Variants in OPCML observed in about 807,000 individuals in gnomAD.
OPCML encodes the protein opioid-binding protein/cell adhesion molecule.
OPCML carries 13 observed loss-of-function variants against 37.8 expected under a neutral mutation model. That is an observed-to-expected ratio of 0.34 (90% confidence interval 0.22 to 0.55). The LOEUF is 0.55. Among genes scored for constraint, OPCML ranks in the 20% least tolerant of loss-of-function variants. OPCML has a pLI of 0.91. For synonymous variants in OPCML, 176 were observed against 168.8 expected, an observed-to-expected ratio of 1.04 and a Z score of -0.33; for missense variants, 341 against 435.6, an observed-to-expected ratio of 0.78 and a Z score of 1.93.
At chr11:132,514,885 A>T (rs989922319) in intron 4 of OPCML, among the ~76,000 whole-genome samples, 6 of 152,114 alleles carry the variant, frequency 3.9e-5, no homozygotes, top group Non-Finnish European at 7.4e-5. Context: ...TCAGATCTTC[A>T]CCAGCAGCAC....
intron 1 of OPCML, among the ~76,000 whole-genome samples, chr11:133,374,893 C>A (rs766402519): frequency 1.3e-5 from 2 of 152,164 alleles, no homozygotes; most frequent in Non-Finnish European, 2.9e-5. Flanking sequence ...TCGGCGGCAG[C>A]TGAGAGTGTC....
chr11:133,006,001 C>A, intron 1 of OPCML: 1 of 985,412 alleles, frequency 1.0e-6, no homozygotes, highest in Non-Finnish European at 1.2e-6. Flanking sequence ...CCTTGCCCTT[C>A]TCTTTTCCTT....
At chr11:132,719,908 G>A (rs950871849) in intron 2 of OPCML, among the ~76,000 whole-genome samples, 1 of 152,140 alleles carries the variant, frequency 6.6e-6, no homozygotes, top group African/African-American at 2.4e-5. Context: ...GGAAGGCTGT[G>A]GGTTAGCCCA....
intron 1 of OPCML, among the ~76,000 whole-genome samples, chr11:133,098,571 G>C (rs1026780499): frequency 1.3e-5 from 2 of 151,984 alleles, no homozygotes; most frequent in African/African-American, 4.8e-5. Flanking sequence ...ACAGACTAAA[G>C]CAGAAAAATC....
At chr11:132,781,281 G>C (rs1481248567) in intron 2 of OPCML, among the ~76,000 whole-genome samples, 2 of 151,992 alleles carry the variant, frequency 1.3e-5, no homozygotes, top group African/African-American at 2.4e-5. Flanking sequence ...ACCATGAGTG[G>C]GCCCCTTCCA....
rs1391272412 is a variant in OPCML, at chr11:132,943,198, A to T, written c.62-188T>A. On this transcript the variant is annotated intron_variant, in intron 1 of 7. Coordinates refer to ENST00000524381, the MANE Select transcript of OPCML (RefSeq NM_001012393.5). This position sits in a 1 kb window ranked among gnomAD's most constrained non-coding sequence, Gnocchi z 4.3. The stretch of plus-strand genomic sequence containing the variant: ...GCGGTGCGGGGAGGAGGGAAGGGGC[A>T]GAGTTCGCCAGGAGCAGGGGGAAGG... 1 of 1,538,480 alleles carries T rather than the reference A, an allele frequency of 6.5e-7. No individual in the cohort carries two copies. The highest frequency in any genetic ancestry group is 2.3e-5 in the East Asian group (1 of 43,692).
At chr11:132,754,295 G>A (rs546134324) in intron 2 of OPCML, among the ~76,000 whole-genome samples, 1 of 152,158 alleles carries the variant, frequency 6.6e-6, no homozygotes, top group African/African-American at 2.4e-5. Context: ...GACCCGATGG[G>A]AGTTTATTGA....
intron 1 of OPCML, among the ~76,000 whole-genome samples, chr11:132,973,117 C>T (rs1946378905): frequency 6.6e-6 from 1 of 152,154 alleles, no homozygotes; most frequent in Admixed American, 6.5e-5. Flanking sequence ...CCTGACTTGA[C>T]AACCTTTTTC....
chr11:132,924,930 A>G (rs2136604277), intron 2 of OPCML, among the ~76,000 whole-genome samples: 1 of 152,132 alleles, frequency 6.6e-6, no homozygotes, highest in South Asian at 2.1e-4. Context: ...TTATGATCCC[A>G]CAGTTCTTAG....
intron 1 of OPCML, among the ~76,000 whole-genome samples, chr11:133,261,326 C>A (rs957453552): frequency 6.6e-6 from 1 of 152,220 alleles, no homozygotes; most frequent in African/African-American, 2.4e-5. Flanking sequence ...GTAGCTCTCT[C>A]TTCCTTTAGA....
At chr11:132,737,015 G>T (rs1031090751) in intron 2 of OPCML, among the ~76,000 whole-genome samples, 1 of 152,190 alleles carries the variant, frequency 6.6e-6, no homozygotes, top group African/African-American at 2.4e-5. Flanking sequence ...AAAGTGAAGT[G>T]GATTTTGTTC....
At chr11:132,820,078 T>C (rs561262672) in intron 2 of OPCML, among the ~76,000 whole-genome samples, 34 of 151,626 alleles carry the variant, frequency 2.2e-4, no homozygotes, top group African/African-American at 7.0e-4. Context: ...AATGAATGAA[T>C]GAATGAATGA....
At chr11:133,138,522 C>T (rs769630481) in intron 1 of OPCML, among the ~76,000 whole-genome samples, 9 of 152,150 alleles carry the variant, frequency 5.9e-5, no homozygotes, top group African/African-American at 1.2e-4. Context: ...ATTTCCTAAC[C>T]TCTCAAAATC....
chr11:132,876,190 G>A lies in OPCML; in HGVS notation c.146+66736C>T, dbSNP rs74505008. 5.1e-4 allele frequency among the ~76,000 whole-genome samples: 78 copies of A among 152,280 alleles called. 2 individuals carry two copies. In the South Asian group the frequency reaches 0.011, roughly 21 times the overall value. On this transcript the variant is annotated intron_variant, in intron 2 of 7. Coordinates refer to ENST00000524381, the MANE Select transcript of OPCML (RefSeq NM_001012393.5). The stretch of plus-strand genomic sequence containing the variant: ...ACTGGTTTCATAGAAGTCGGGAATC[G>A]ATAGTTCTTGACAATCACTTCTTCC...
chr11:132,969,536 T>A (rs1946292863), intron 1 of OPCML, among the ~76,000 whole-genome samples: 2 of 152,314 alleles, frequency 1.3e-5, no homozygotes, highest in South Asian at 2.1e-4. Context: ...GGACCCCCCC[T>A]GCAACTGTGT....
chr11:132,947,106 C>T (rs2136688760), intron 1 of OPCML, among the ~76,000 whole-genome samples: 1 of 152,250 alleles, frequency 6.6e-6, no homozygotes, highest in South Asian at 2.1e-4. Flanking sequence ...TCTCCTGGAC[C>T]TGCTGGTTCT....
chr11:133,382,908 G>A (rs1001965384), intron 1 of OPCML, among the ~76,000 whole-genome samples: 3 of 152,156 alleles, frequency 2.0e-5, no homozygotes, highest in Admixed American at 1.3e-4. Context: ...CTGATCCTCA[G>A]CTACTCTAGG....
At chr11:132,449,496 C>T (rs2096063401) in intron 4 of OPCML, among the ~76,000 whole-genome samples, 1 of 152,144 alleles carries the variant, frequency 6.6e-6, no homozygotes, top group Non-Finnish European at 1.5e-5. Context: ...GTCCTCCTCG[C>T]CTTTACTAAA....
intron 1 of OPCML, among the ~76,000 whole-genome samples, chr11:133,095,661 T>C (rs1169584016): frequency 1.3e-5 from 2 of 148,266 alleles, no homozygotes; most frequent in South Asian, 2.2e-4. Context: ...AGCCTACACA[T>C]TCATATTCAA....
Sources: allele counts gnomAD v4.1 joint callset (sites outside exome capture counted in the v4.1 genomes callset), GRCh38; gene constraint gnomAD v4.1.1; non-coding constraint Gnocchi (gnomAD v3.1); transcripts MANE v1.5; gene names NCBI Gene and HGNC (gene_info 2026-07-23, HGNC 2026-07-21).